RHOG: variants seen among roughly 807,000 people sequenced by gnomAD.
The protein encoded by RHOG is ras homolog family member G.
RHOG carries 1 observed loss-of-function variant against 12.3 expected under a neutral mutation model. The observed-to-expected ratio is 0.08, with a 90% CI of 0.03 to 0.39. RHOG has a LOEUF of 0.39. Among genes scored for constraint, RHOG ranks in the 10% least tolerant of loss-of-function variants. The pLI is 0.99. For missense variants in RHOG, 114 were observed against 266.2 expected, an observed-to-expected ratio of 0.43 and a Z score of 3.98; for synonymous variants, 129 against 116.0, an observed-to-expected ratio of 1.11 and a Z score of -0.72.
At position 3,827,562 on chromosome 11, in the gene RHOG, G is replaced by T; in HGVS notation, c.*1C>A. ...GGCAGCCTCCAAGCCAAGTGCCAGG[G>T]TCACAAGAGGATGCAGGACCGCCCA... is the stretch of plus-strand genomic sequence containing the variant. On this transcript the variant is annotated 3_prime_UTR_variant, in exon 2 of 2. Coordinates refer to ENST00000351018, the MANE Select transcript of RHOG (RefSeq NM_001665.4). The surrounding 1 kb of genome is among the most constrained non-coding windows in gnomAD (Gnocchi z 7.3). 6.2e-7 allele frequency: 1 copy of T among 1,600,796 alleles called. No individual in the cohort carries two copies. Among genetic ancestry groups the T allele is most frequent in the Non-Finnish European group, 8.5e-7 (1 of 1,177,272 alleles).
intron 1 of RHOG, among the ~76,000 whole-genome samples, chr11:3,828,831 A>G (rs930956294): frequency 1.3e-4 from 20 of 151,794 alleles, no homozygotes; most frequent in Non-Finnish European, 2.4e-4. Flanking sequence ...CGTGTTGGCC[A>G]GGATGGTCTC....
At chr11:3,834,707 G>A (rs1227366136) in intron 1 of RHOG, among the ~76,000 whole-genome samples, 1 of 152,248 alleles carries the variant, frequency 6.6e-6, no homozygotes, top group South Asian at 2.1e-4. Context: ...CAGAATGGGG[G>A]AGGGAAAGGA....
intron 1 of RHOG, among the ~76,000 whole-genome samples, chr11:3,828,559 T>C (rs934128156): frequency 2.0e-5 from 3 of 152,122 alleles, no homozygotes; most frequent in South Asian, 2.1e-4. Context: ...CACTGGGTCA[T>C]TGTGAGCATT....
At chr11:3,832,641 G>T (rs894006123) in intron 1 of RHOG, among the ~76,000 whole-genome samples, 23 of 152,258 alleles carry the variant, frequency 1.5e-4, no homozygotes, top group African/African-American at 5.5e-4. Context: ...TGTGGTAGGG[G>T]ATCAGCCCAG....
Position 3,828,170 on chromosome 11 carries a change from C to A in RHOG, c.-32G>T. The A allele has an allele frequency of 1.9e-6, 3 of 1,583,174 alleles. No individual in the cohort carries two copies. Among genetic ancestry groups the A allele is most frequent in the Middle Eastern group, 1.7e-4 (1 of 6,012 alleles). ...TGCAGTTGCTGTAGTGGAGGCAGTG[C>A]CTCCTCTCTCTTCTGGACCCCTCTG... On this transcript the variant is annotated 5_prime_UTR_variant, in exon 2 of 2. Transcript: ENST00000351018.
At chr11:3,831,015 G>T (rs2090124600) in intron 1 of RHOG, among the ~76,000 whole-genome samples, 1 of 151,932 alleles carries the variant, frequency 6.6e-6, no homozygotes, top group Non-Finnish European at 1.5e-5. Flanking sequence ...CCCTGAGAGG[G>T]GGCAGCCCTG....
intron 1 of RHOG, among the ~76,000 whole-genome samples, chr11:3,836,052 T>TAA (rs58765611): frequency 5.6e-5 from 8 of 142,592 alleles, no homozygotes; most frequent in African/African-American, 1.6e-4. Context: ...TTCCTAGCCT[T>TAA]AAAAAAAAAA....
intron 1 of RHOG, among the ~76,000 whole-genome samples, chr11:3,831,751 G>A (rs2090130301): frequency 6.6e-6 from 1 of 152,172 alleles, no homozygotes; most frequent in African/African-American, 2.4e-5. Flanking sequence ...CGGATTACGT[G>A]GGAAGCCTTG....
At chr11:3,838,813 G>A (rs935559746) in intron 1 of RHOG, among the ~76,000 whole-genome samples, 6 of 152,190 alleles carry the variant, frequency 3.9e-5, no homozygotes, top group Non-Finnish European at 5.9e-5. Context: ...GCTTGAGGAT[G>A]GAGCTCTAGA....
intron 1 of RHOG, among the ~76,000 whole-genome samples, chr11:3,828,850 G>C (rs558424663): frequency 5.3e-5 from 8 of 151,882 alleles, no homozygotes; most frequent in East Asian, 1.9e-4. Flanking sequence ...TCGATCTCCT[G>C]ACCTCGTGAT....
At chr11:3,833,831 T>G (rs1046468907) in intron 1 of RHOG, among the ~76,000 whole-genome samples, 1 of 152,204 alleles carries the variant, frequency 6.6e-6, no homozygotes, top group Non-Finnish European at 1.5e-5. Flanking sequence ...CTTTTACTCT[T>G]TGTTTTTCCC....
At chr11:3,828,833 G>T (rs908443387) in intron 1 of RHOG, among the ~76,000 whole-genome samples, 29 of 151,728 alleles carry the variant, frequency 1.9e-4, no homozygotes, top group Non-Finnish European at 3.8e-4. Context: ...TGTTGGCCAG[G>T]ATGGTCTCGA....
intron 1 of RHOG, among the ~76,000 whole-genome samples, chr11:3,838,748 A>G (rs2090170771): frequency 6.6e-6 from 1 of 152,226 alleles, no homozygotes; most frequent in Admixed American, 6.5e-5. Context: ...AGAGAAATGA[A>G]TACAGATGAC....
chr11:3,836,697 G>A (rs963223837), intron 1 of RHOG, among the ~76,000 whole-genome samples: 3 of 151,544 alleles, frequency 2.0e-5, no homozygotes, highest in African/African-American at 4.9e-5. Flanking sequence ...TCAGGAATTC[G>A]AGACCAGCCT....
intron 1 of RHOG, among the ~76,000 whole-genome samples, chr11:3,833,583 C>G (rs2090141867): frequency 6.6e-6 from 1 of 152,172 alleles, no homozygotes. Flanking sequence ...CTGCCTCTTA[C>G]CAGCTGTGTG....
intron 1 of RHOG, among the ~76,000 whole-genome samples, chr11:3,836,847 G>A (rs1304573193): frequency 3.6e-5 from 5 of 138,564 alleles, no homozygotes; most frequent in Non-Finnish European, 7.6e-5. Flanking sequence ...AGGTTGTGGT[G>A]AGCTGAGATC....
intron 1 of RHOG, among the ~76,000 whole-genome samples, chr11:3,834,753 G>A (rs2090147775): frequency 6.6e-6 from 1 of 152,208 alleles, no homozygotes; most frequent in Non-Finnish European, 1.5e-5. Flanking sequence ...GGCTGTTACA[G>A]CAGGGGAAGT....
At chr11:3,834,813 C>T (rs1021287732) in intron 1 of RHOG, among the ~76,000 whole-genome samples, 1 of 152,078 alleles carries the variant, frequency 6.6e-6, no homozygotes, top group Non-Finnish European at 1.5e-5. Context: ...AAAAGATAGG[C>T]GAGTATGGAG....
chr11:3,840,719 TGGCCCCGTTCCCGCCCCGCCCGGCC>T (rs1416198636), intron 1 of RHOG, 150 bp downstream of exon 1: 1 of 152,494 alleles, frequency 6.6e-6, no homozygotes, highest in Non-Finnish European at 1.5e-5. Context: ...CGGCTCGCAG[TGGCCCCGTTCCCGCCCCGCCCGGCC>T]GGCCGCGCCC....
Sources: allele counts gnomAD v4.1 joint callset (sites outside exome capture counted in the v4.1 genomes callset), GRCh38; gene constraint gnomAD v4.1.1; non-coding constraint Gnocchi (gnomAD v3.1); transcripts MANE v1.5; gene names NCBI Gene and HGNC (gene_info 2026-07-23, HGNC 2026-07-21).